RIN3: variants seen among roughly 807,000 people sequenced by gnomAD.
RIN3 encodes RAB5 interacting protein 3.
In RIN3, 54 loss-of-function variants were observed where a neutral mutation model predicts 76.3. The ratio of observed to expected loss-of-function variants is 0.71; its 90% confidence interval spans 0.57 to 0.89. The LOEUF is 0.89. Among genes scored for constraint, RIN3 ranks in the 40% least tolerant of loss-of-function variants. The pLI is 0.00. For missense variants in RIN3, 1,256 were observed against 1,322.1 expected, an observed-to-expected ratio of 0.95 and a Z score of 0.78; for synonymous variants, 576 against 564.0, an observed-to-expected ratio of 1.02 and a Z score of -0.30.
intron 1 of RIN3, among the ~76,000 whole-genome samples, chr14:92,547,844 C>T (rs1897324170): frequency 6.6e-6 from 1 of 152,150 alleles, no homozygotes. Context: ...GCTGGGATTA[C>T]AGGCATGTGC....
intron 5 of RIN3, among the ~76,000 whole-genome samples, chr14:92,647,606 T>C (rs538973370): frequency 6.6e-6 from 1 of 152,342 alleles, no homozygotes; most frequent in East Asian, 1.9e-4. Flanking sequence ...TGACTTTGAC[T>C]GACTGTGTAA....
rs2140103767 is a variant in RIN3 at position 92,615,628 on chromosome 14, AC to A, written c.440+151del. On this transcript the variant is annotated intron_variant, in intron 4 of 9. Coordinates refer to ENST00000216487, the MANE Select transcript of RIN3 (RefSeq NM_024832.5). ...AGAGAGGGCACAGGCCCCTCTGGGAACCACAGAGGATGTGTTGGCTCTGAGG... is the reference window on the plus strand; with the variant it reads ...AGAGAGGGCACAGGCCCCTCTGGGAACACAGAGGATGTGTTGGCTCTGAGG... The A allele has an allele frequency of 1.2e-5, 8 of 680,702 alleles. No homozygotes were observed. The South Asian group carries it at 1.3e-4, about 11-fold the overall frequency. The allele number at this position is 680,702 out of a possible 1,614,324, so 42.2% of individuals were successfully genotyped here.
At position 92,621,115 on chromosome 14, in the gene RIN3, C is replaced by T. The variant is rs538593140; in HGVS notation, c.440+5636C>T. On this transcript the variant is annotated intron_variant, in intron 4 of 9. Coordinates refer to ENST00000216487, the MANE Select transcript of RIN3 (RefSeq NM_024832.5). ...CATCCTGGTTAACATGGTGAAACCC[C>T]GTCCCAGCTACTCAGGAGGCTGAGG... Among the ~76,000 whole-genome samples the T allele has an allele frequency of 1.1e-3, 172 of 151,608 alleles. 1 individual carries two copies. Among genetic ancestry groups the T allele is most frequent in the African/African-American group, 3.8e-3 (159 of 41,366 alleles).
intron 3 of RIN3, among the ~76,000 whole-genome samples, chr14:92,589,405 G>A (rs900523882): frequency 2.0e-5 from 3 of 152,102 alleles, no homozygotes; most frequent in African/African-American, 4.8e-5. Flanking sequence ...TACAACATCT[G>A]TGTTCCATTG....
chr14:92,534,465 G>A (rs1351247911), intron 1 of RIN3, among the ~76,000 whole-genome samples: 1 of 151,578 alleles, frequency 6.6e-6, no homozygotes, highest in Non-Finnish European at 1.5e-5. Context: ...CTGTAATCCC[G>A]GCTACTCAGG....
intron 1 of RIN3, among the ~76,000 whole-genome samples, chr14:92,554,687 G>T (rs567352807): frequency 2.6e-5 from 4 of 152,222 alleles, no homozygotes; most frequent in Admixed American, 2.0e-4. Flanking sequence ...TCGGGAGGCC[G>T]AGGTGGGTGG....
At chr14:92,612,241 C>T (rs902879997) in intron 3 of RIN3, among the ~76,000 whole-genome samples, 3 of 152,168 alleles carry the variant, frequency 2.0e-5, no homozygotes, top group Admixed American at 6.5e-5. Flanking sequence ...CACATGCTCA[C>T]GGGCAGGTGG....
At chr14:92,617,152 T>C (rs1172237842) in intron 4 of RIN3, among the ~76,000 whole-genome samples, 4 of 151,960 alleles carry the variant, frequency 2.6e-5, no homozygotes, top group African/African-American at 9.7e-5. Flanking sequence ...TACCAAAAAT[T>C]AGCTGGGCGT....
chr14:92,531,068 C>T (rs1896867851), intron 1 of RIN3, among the ~76,000 whole-genome samples: 1 of 152,178 alleles, frequency 6.6e-6, no homozygotes, highest in Non-Finnish European at 1.5e-5. Flanking sequence ...CTTACCTCCT[C>T]ATTTTCTCCC....
intron 4 of RIN3, among the ~76,000 whole-genome samples, chr14:92,639,315 A>T (rs940001569): frequency 1.3e-5 from 2 of 152,236 alleles, no homozygotes; most frequent in African/African-American, 4.8e-5. Flanking sequence ...AGTGACTGGC[A>T]TCAGGATTTG....
chr14:92,592,843 T>A (rs955343320), intron 3 of RIN3, among the ~76,000 whole-genome samples: 1 of 151,846 alleles, frequency 6.6e-6, no homozygotes, highest in Non-Finnish European at 1.5e-5. Context: ...GCCCAGCTAA[T>A]TTTTTGTGTT....
chr14:92,667,269 T>G (rs1006145358), intron 7 of RIN3, among the ~76,000 whole-genome samples: 2 of 152,102 alleles, frequency 1.3e-5, no homozygotes, highest in Non-Finnish European at 2.9e-5. Flanking sequence ...TCCCAGCATT[T>G]TGGGAGGCCA....
chr14:92,649,371 A>T (rs1201325869), intron 5 of RIN3, among the ~76,000 whole-genome samples: 1 of 150,268 alleles, frequency 6.7e-6, no homozygotes, highest in Non-Finnish European at 1.5e-5. Flanking sequence ...TGCTAGGAAA[A>T]CTCCCAAGGA....
chr14:92,665,415 A>G (rs9671936), intron 7 of RIN3, among the ~76,000 whole-genome samples: 6,083 of 119,112 alleles, frequency 0.051, 440 homozygotes, highest in African/African-American at 0.18. Context: ...GTCTCGCTCT[A>G]TCGCCCAGGC....
chr14:92,648,153 A>G lies in RIN3; in HGVS notation c.533-3429A>G, dbSNP rs1887271981. On this transcript the variant is annotated intron_variant, in intron 5 of 9. Transcript: ENST00000216487. The surrounding 1 kb of genome is among the most constrained non-coding windows in gnomAD (Gnocchi z 4.1). ...CCACTGTGGTTCCCTAACAGGTCCC[A>G]AGACCCCAGGATGCAGCCCATTAGC... is the stretch of plus-strand genomic sequence containing the variant. 6.9e-6 allele frequency among the ~76,000 whole-genome samples: 1 copy of G among 145,314 alleles called. No individual in the cohort carries two copies. The highest frequency in any genetic ancestry group is 1.5e-5 in the Non-Finnish European group (1 of 67,100).
rs371612192 is a variant in RIN3 at position 92,577,428 on chromosome 14, C to T, written c.318C>T (p.Asn106=). 83 of 1,613,824 alleles carry T rather than the reference C, an allele frequency of 5.1e-5. No individual in the cohort carries two copies. The highest frequency in any genetic ancestry group is 5.1e-4 in the African/African-American group (38 of 75,036). The change falls in exon 3 of 10, where the codon AAC becomes AAT. Residue 106 remains asparagine, a synonymous_variant. Coordinates refer to ENST00000216487, the MANE Select transcript of RIN3 (RefSeq NM_024832.5). ...TCTGTGTCCACTTTCCTTCTCTGAACGAAAGCTCGGCCGAGGTGCTCGAAT... is the reference window on the plus strand; with the variant it reads ...TCTGTGTCCACTTTCCTTCTCTGAATGAAAGCTCGGCCGAGGTGCTCGAAT... The part of the protein sequence containing the change: ...LVLCVHFPSL[N]ESSAEVLEYT...
At chr14:92,640,195 T>C (rs1595475694) in intron 4 of RIN3, among the ~76,000 whole-genome samples, 1 of 104,994 alleles carries the variant, frequency 9.5e-6, no homozygotes, top group Non-Finnish European at 2.1e-5. Context: ...TGACTGTGTG[T>C]TCATCGGGGG....
At chr14:92,640,845 G>C (rs1886982488) in intron 4 of RIN3, among the ~76,000 whole-genome samples, 1 of 152,206 alleles carries the variant, frequency 6.6e-6, no homozygotes, top group Non-Finnish European at 1.5e-5. Context: ...CATTTGCTGG[G>C]AGATGCCTGA....
At chr14:92,530,873 G>A (rs995852948) in intron 1 of RIN3, among the ~76,000 whole-genome samples, 1 of 152,018 alleles carries the variant, frequency 6.6e-6, no homozygotes, top group Non-Finnish European at 1.5e-5. Context: ...GTTCTATGTG[G>A]ACAACCCAGG....
Sources: gnomAD v4.1 joint callset for allele counts (sites outside exome capture counted in the v4.1 genomes callset) on GRCh38, gnomAD v4.1.1 for gene constraint, Gnocchi (gnomAD v3.1) non-coding constraint, MANE v1.5 for transcripts, NCBI Gene and HGNC (gene_info 2026-07-23, HGNC 2026-07-21) for gene names.